Variants in NELL1 observed in about 807,000 individuals in gnomAD.
NELL1 encodes the protein protein kinase C-binding protein NELL1.
In NELL1, 76 loss-of-function variants were observed where a neutral mutation model predicts 107.4. The ratio of observed to expected loss-of-function variants is 0.71; its 90% CI spans 0.59 to 0.86. The LOEUF (loss-of-function observed/expected upper bound fraction) is 0.86, where lower values mean the gene tolerates loss of function less well. NELL1 is among the 40% of genes least tolerant of loss of function. The pLI, the probability that NELL1 is intolerant of heterozygous loss-of-function variation, is 0.00. For synonymous variants in NELL1, 353 were observed against 341.2 expected, an observed-to-expected ratio of 1.03 and a Z score of -0.38; for missense variants, 1,024 against 1,005.5, an observed-to-expected ratio of 1.02 and a Z score of -0.25.
chr11:20,822,359 A>T (rs1420442584), intron 3 of NELL1, among the ~76,000 whole-genome samples: 1 of 152,258 alleles, frequency 6.6e-6, no homozygotes, highest in Non-Finnish European at 1.5e-5. Context: ...GCCATTAGCA[A>T]TCAGATGATC....
intron 5 of NELL1, among the ~76,000 whole-genome samples, chr11:20,894,082 G>A (rs1158970079): frequency 1.3e-5 from 2 of 152,068 alleles, no homozygotes; most frequent in African/African-American, 4.8e-5. Flanking sequence ...ATCCCCATGG[G>A]GAAAGCACTA....
intron 14 of NELL1, among the ~76,000 whole-genome samples, chr11:21,368,358 T>G (rs1408299641): frequency 5.3e-5 from 8 of 151,636 alleles, no homozygotes; most frequent in African/African-American, 1.9e-4. Flanking sequence ...GGCATTGGTT[T>G]TTTTTTTTTT....
At chr11:21,444,228 G>T (rs1362772114) in intron 15 of NELL1, among the ~76,000 whole-genome samples, 1 of 152,082 alleles carries the variant, frequency 6.6e-6, no homozygotes, top group Non-Finnish European at 1.5e-5. Flanking sequence ...TGTCTCACTG[G>T]TGAACACAGA....
chr11:20,814,998 G>A (rs1857592732), intron 3 of NELL1, among the ~76,000 whole-genome samples: 1 of 151,990 alleles, frequency 6.6e-6, no homozygotes, highest in African/African-American at 2.4e-5. Flanking sequence ...TTTAATAGTG[G>A]CCATTCTGAT....
At chr11:21,555,666 A>T (rs1462697588) in intron 16 of NELL1, among the ~76,000 whole-genome samples, 1 of 151,920 alleles carries the variant, frequency 6.6e-6, no homozygotes. Context: ...GTGAAGAGTT[A>T]ATGCTAAAGG....
intron 14 of NELL1, among the ~76,000 whole-genome samples, chr11:21,233,848 T>C (rs1278404175): frequency 2.0e-5 from 3 of 152,238 alleles, no homozygotes; most frequent in African/African-American, 7.2e-5. Flanking sequence ...GGATAGGATG[T>C]GGTGATCTTT....
At chr11:21,484,636 ATG>A (rs1488395640) in intron 15 of NELL1, among the ~76,000 whole-genome samples, 1 of 150,404 alleles carries the variant, frequency 6.6e-6, no homozygotes, top group African/African-American at 2.5e-5. Flanking sequence ...ATACATATAT[ATG>A]TGTTATATAT....
chr11:21,343,467 G>C (rs77185846), intron 14 of NELL1, among the ~76,000 whole-genome samples: 6,672 of 151,924 alleles, frequency 0.044, 164 homozygotes, highest in Admixed American at 0.086. Context: ...GAAAGCTTAG[G>C]TACCCTTCCT....
At chr11:21,249,119 A>G (rs1858572805) in intron 14 of NELL1, among the ~76,000 whole-genome samples, 1 of 152,184 alleles carries the variant, frequency 6.6e-6, no homozygotes, top group South Asian at 2.1e-4. Context: ...ACAAAGCACT[A>G]ACTGCTTGTA....
At chr11:21,283,045 GGGGGAGGT>G (rs1849033550) in intron 14 of NELL1, among the ~76,000 whole-genome samples, 1 of 152,062 alleles carries the variant, frequency 6.6e-6, no homozygotes. Flanking sequence ...GGGGGAGTGT[GGGGGAGGT>G]GGGGATGGTT....
intron 12 of NELL1, among the ~76,000 whole-genome samples, chr11:20,983,539 T>C (rs1851790999): frequency 6.6e-6 from 1 of 152,178 alleles, no homozygotes; most frequent in Admixed American, 6.5e-5. Flanking sequence ...TCCCATTACA[T>C]AGTCACATAT....
intron 13 of NELL1, among the ~76,000 whole-genome samples, chr11:21,115,376 G>A (rs927633934): frequency 8.6e-6 from 1 of 116,690 alleles, no homozygotes; most frequent in Non-Finnish European, 1.8e-5. Context: ...ACACACACAC[G>A]CTTTTTTGTT....
At chr11:20,812,537 A>G (rs1857522046) in intron 3 of NELL1, among the ~76,000 whole-genome samples, 1 of 152,202 alleles carries the variant, frequency 6.6e-6, no homozygotes, top group Non-Finnish European at 1.5e-5. Flanking sequence ...ATGAATTGGT[A>G]TTAATTCTTC....
At chr11:20,701,552 C>T (rs59320683) in intron 2 of NELL1, among the ~76,000 whole-genome samples, 2,007 of 152,158 alleles carry the variant, frequency 0.013, 39 homozygotes, top group African/African-American at 0.046. Flanking sequence ...GTTGCCATTG[C>T]TTTTGGTGTT....
In NELL1 at chr11:21,000,066, G is replaced by T. The variant is rs1049276690; in HGVS notation, c.1300+39506G>T. Among the ~76,000 whole-genome samples, 31 of 152,104 alleles carry T rather than the reference G, an allele frequency of 2.0e-4. 1 individual carries two copies. Among genetic ancestry groups the T allele is most frequent in the Non-Finnish European group, 1.2e-4 (8 of 68,034 alleles). ...CCACCAAGGGTAAATAAATGGAGTT[G>T]AACAAAAGGTGTTGGCAATGATTGA... On this transcript the variant is annotated intron_variant, in intron 12 of 19. Coordinates refer to ENST00000357134, the MANE Select transcript of NELL1 (RefSeq NM_006157.5).
At chr11:21,063,626 C>A (rs895697697) in intron 12 of NELL1, among the ~76,000 whole-genome samples, 1 of 152,032 alleles carries the variant, frequency 6.6e-6, no homozygotes, top group African/African-American at 2.4e-5. Context: ...AAGCTCTGTG[C>A]CAGGAGCCTG....
chr11:21,058,145 A>G (rs560213251), intron 12 of NELL1, among the ~76,000 whole-genome samples: 1 of 152,094 alleles, frequency 6.6e-6, no homozygotes, highest in Non-Finnish European at 1.5e-5. Flanking sequence ...ATAGAAAGAC[A>G]ATTGTATGGG....
chr11:21,536,859 C>G (rs1001464942), intron 16 of NELL1, among the ~76,000 whole-genome samples: 3 of 152,136 alleles, frequency 2.0e-5, no homozygotes, highest in African/African-American at 7.2e-5. Flanking sequence ...AGCCCTATCA[C>G]CCTCATAAAT....
At chr11:21,426,530 A>G (rs900508594) in intron 15 of NELL1, among the ~76,000 whole-genome samples, 1 of 152,252 alleles carries the variant, frequency 6.6e-6, no homozygotes, top group African/African-American at 2.4e-5. Context: ...GACAAATTTC[A>G]TATCTCTGCA....
Sources: allele counts gnomAD v4.1 joint callset (sites outside exome capture counted in the v4.1 genomes callset), GRCh38; gene constraint gnomAD v4.1.1; transcripts MANE v1.5; gene names NCBI Gene and HGNC (gene_info 2026-07-23, HGNC 2026-07-21).